Variants in DEPDC5 observed in about 807,000 individuals in gnomAD.
DEPDC5 encodes DEP domain containing 5, GATOR1 subcomplex subunit.
DEPDC5 carries 73 observed loss-of-function variants against 217.3 expected under a neutral mutation model. The ratio of observed to expected loss-of-function variants is 0.34; its 90% CI spans 0.28 to 0.41. The LOEUF (loss-of-function observed/expected upper bound fraction) is 0.41, where lower values mean the gene tolerates loss of function less well. Ranked by LOEUF, DEPDC5 falls within the 10% of genes least tolerant of loss-of-function variation. The pLI is 1.00. For missense variants in DEPDC5, 1,675 were observed against 2,070.1 expected, an observed-to-expected ratio of 0.81 and a Z score of 3.70; for synonymous variants, 733 against 756.7, an observed-to-expected ratio of 0.97 and a Z score of 0.51.
At chr22:31,761,695 C>T (rs151280407) in intron 4 of DEPDC5, among the ~76,000 whole-genome samples, 102 of 150,006 alleles carry the variant, frequency 6.8e-4, no homozygotes, top group African/African-American at 2.3e-3. Context: ...AGGCCAGGCA[C>T]GGTGGCTTAT....
intron 9 of DEPDC5, 162 bp downstream of exon 9, chr22:31,784,147 T>C (rs2084743714): frequency 3.5e-6 from 2 of 564,726 alleles, no homozygotes; most frequent in East Asian, 3.1e-5. Flanking sequence ...TTTCTCGTTC[T>C]AAAGATACAC....
At position 31,838,850 on chromosome 22, in the gene DEPDC5, G is replaced by C; in HGVS notation, c.2515+5G>C. 1 of 1,607,952 alleles carries C rather than the reference G, an allele frequency of 6.2e-7. No homozygotes were observed. The highest frequency in any genetic ancestry group is 8.5e-7 in the Non-Finnish European group (1 of 1,175,834). ...GTAGCCCACTCTATAGCCGAGGTGA[G>C]TTTTTCTCCTTGGATTTCTATTTTT... is the stretch of plus-strand genomic sequence containing the variant. On this transcript the variant is annotated splice_donor_5th_base_variant and intron_variant, in intron 27 of 42. Coordinates refer to ENST00000651528, the MANE Select transcript of DEPDC5 (RefSeq NM_001242896.3).
chr22:31,879,626 C>G lies in DEPDC5; in HGVS notation c.3907C>G (p.Leu1303Val), dbSNP rs2093120829. 2 of 1,613,970 alleles carry G rather than the reference C, an allele frequency of 1.2e-6. No individual in the cohort carries two copies. Among genetic ancestry groups the G allele is most frequent in the Non-Finnish European group, 1.7e-6 (2 of 1,180,048 alleles). ...TGAGGTGGCCTTTGTGGCAGAAGAG[C>G]TCGTGCACTCTGAGATTCCTGCCTT... ...WFEVAFVAEELVHSEIPAFLL... is the reference protein window; with the variant it reads ...WFEVAFVAEEVVHSEIPAFLL... The change falls in exon 38 of 43, where the codon CTC becomes GTC. Residue 1303 changes from leucine (L) to valine (V), a missense_variant. Coordinates refer to ENST00000651528, the MANE Select transcript of DEPDC5 (RefSeq NM_001242896.3).
At chr22:31,784,706 A>G (rs1468328332) in intron 9 of DEPDC5, 108 bp from the exon 10 acceptor site, 5 of 975,320 alleles carry the variant, frequency 5.1e-6, no homozygotes, top group Non-Finnish European at 7.9e-6. Context: ...TTACTTAGGG[A>G]ATTGCTTAGA....
Position 31,754,055 on chromosome 22 carries a change from G to T in DEPDC5, c.-170G>T, listed in dbSNP as rs1483245855. 1 of 152,216 alleles carries T rather than the reference G, an allele frequency of 6.6e-6. No individual in the cohort carries two copies. The highest frequency in any genetic ancestry group is 1.5e-5 in the Non-Finnish European group (1 of 68,648). 9.4% of individuals were successfully genotyped at this position (152,216 alleles called of 1,614,324 possible). A position where few individuals can be genotyped will look rare whatever the true frequency, so the allele number is the denominator to read the frequency against. ...GCGCTTCAGGCTTAGGGGCGGAACA[G>T]CGCGGGCCGCGCGGGCGTAGGCGGG... On this transcript the variant is annotated 5_prime_UTR_variant, in exon 1 of 43. Coordinates refer to ENST00000651528, the MANE Select transcript of DEPDC5 (RefSeq NM_001242896.3).
chr22:31,836,988 TC>T lies in DEPDC5; in HGVS notation c.2192del (p.Pro731LeufsTer2). On this transcript the variant is annotated frameshift_variant, in exon 26 of 43. Transcript: ENST00000651528. LOFTEE classifies it high-confidence loss of function. Reference protein sequence around the residue: ...SPDPILTLSAPPVVPGFCCTV... With the variant: ...SPDPILTLSAXPVVPGFCCTV... ...GTGAGGCAGTTCTGACACTGTCTGC[TC>T]CCCCTGTAGTGCCAGGCTTCTGTTG... The T allele has an allele frequency of 6.2e-7, 1 of 1,613,032 alleles. No individual in the cohort carries two copies. The highest frequency in any genetic ancestry group is 1.3e-5 in the African/African-American group (1 of 74,722).
chr22:31,772,413 C>T (rs2083443000), intron 7 of DEPDC5, among the ~76,000 whole-genome samples: 1 of 152,180 alleles, frequency 6.6e-6, no homozygotes, highest in African/African-American at 2.4e-5. Context: ...TCTGTATCTG[C>T]AGAGCCAGTG....
intron 29 of DEPDC5, among the ~76,000 whole-genome samples, chr22:31,844,245 A>T (rs1247605045): frequency 1.3e-5 from 2 of 152,098 alleles, no homozygotes; most frequent in African/African-American, 2.4e-5. Context: ...TAAATAAAAA[A>T]AAATAAAATT....
At chr22:31,771,612 C>G (rs1004371141) in intron 7 of DEPDC5, among the ~76,000 whole-genome samples, 2 of 151,586 alleles carry the variant, frequency 1.3e-5, no homozygotes, top group African/African-American at 4.8e-5. Context: ...CCCAGCTACT[C>G]GGGAGGCTGA....
chr22:31,891,248 T>G (rs2093432306), intron 38 of DEPDC5: 1 of 551,698 alleles, frequency 1.8e-6, no homozygotes, highest in East Asian at 4.5e-5. Flanking sequence ...GTTCTAGTCC[T>G]TTCTCTTTAA....
chr22:31,873,242 C>T lies in DEPDC5; in HGVS notation c.3486-13C>T, dbSNP rs770170407. The T allele has an allele frequency of 2.2e-5, 35 of 1,613,912 alleles. No individual in the cohort carries two copies. Among genetic ancestry groups the T allele is most frequent in the Admixed American group, 3.3e-5 (2 of 60,000 alleles). On this transcript the variant is annotated splice_polypyrimidine_tract_variant and intron_variant, in intron 34 of 42. Transcript: ENST00000651528. ...GCCATCTTGCTTTGCTGACCTGACACCCTGTGTTACAGCTCTCAGCAGCTG... is the reference window on the plus strand; with the variant it reads ...GCCATCTTGCTTTGCTGACCTGACATCCTGTGTTACAGCTCTCAGCAGCTG...
intron 38 of DEPDC5, chr22:31,880,204 C>G (rs984465595): frequency 1.1e-5 from 2 of 180,076 alleles, no homozygotes; most frequent in Non-Finnish European, 2.4e-5. Context: ...CTCTCTCTCT[C>G]TCCTCTTCCT....
chr22:31,893,892 T>A (rs1016802138), intron 39 of DEPDC5, 141 bp downstream of exon 39: 2 of 983,278 alleles, frequency 2.0e-6, no homozygotes, highest in Middle Eastern at 3.4e-4. Context: ...GTAACCTTTT[T>A]AAAAAATTTA....
chr22:31,766,760 G>T lies in DEPDC5; in HGVS notation c.363+92G>T, dbSNP rs150299337. ...GGGAGAAGAATATAAAATCGTTTCTGATTTTATATCAGCATCTACAGACAA... is the reference window on the plus strand; with the variant it reads ...GGGAGAAGAATATAAAATCGTTTCTTATTTTATATCAGCATCTACAGACAA... On this transcript the variant is annotated intron_variant, in intron 6 of 42. Transcript: ENST00000651528. The T allele has an allele frequency of 2.2e-3, 2,578 of 1,155,956 alleles. 19 individuals are homozygous for T. The African/African-American group carries it at 0.024, about 11-fold the overall frequency. 71.6% of individuals were successfully genotyped at this position (1,155,956 alleles called of 1,614,324 possible).
intron 36 of DEPDC5, chr22:31,875,832 C>T (rs2092977098): frequency 5.4e-6 from 1 of 185,064 alleles, no homozygotes; most frequent in African/African-American, 2.3e-5. Context: ...GGGATTTCAC[C>T]ATGTTGGCCA....
At chr22:31,829,088 G>C (rs571834291) in intron 24 of DEPDC5, among the ~76,000 whole-genome samples, 20 of 152,328 alleles carry the variant, frequency 1.3e-4, no homozygotes, top group Non-Finnish European at 2.9e-4. Context: ...TGGGCATAAA[G>C]ATCCTCCCCT....
At chr22:31,761,442 A>G (rs976586492) in intron 4 of DEPDC5, among the ~76,000 whole-genome samples, 3 of 152,000 alleles carry the variant, frequency 2.0e-5, no homozygotes, top group Non-Finnish European at 4.4e-5. Context: ...AACTCCATCC[A>G]TGTTGCTGCA....
At chr22:31,765,393 C>T (rs1441794651) in intron 5 of DEPDC5, among the ~76,000 whole-genome samples, 2 of 152,046 alleles carry the variant, frequency 1.3e-5, no homozygotes, top group East Asian at 3.9e-4. Context: ...AGGTTCAAGC[C>T]ATTCTCCTGC....
At chr22:31,801,681 C>G (rs2086882900) in intron 14 of DEPDC5, among the ~76,000 whole-genome samples, 1 of 152,180 alleles carries the variant, frequency 6.6e-6, no homozygotes, top group Non-Finnish European at 1.5e-5. Flanking sequence ...TCTCTGCTCT[C>G]TGTTCAGAAT....
Sources: gnomAD v4.1 joint callset for allele counts (sites outside exome capture counted in the v4.1 genomes callset) on GRCh38, gnomAD v4.1.1 for gene constraint, MANE v1.5 for transcripts, NCBI Gene and HGNC (gene_info 2026-07-23, HGNC 2026-07-21) for gene names.